Variants in KIF2C observed in about 807,000 individuals in gnomAD.
KIF2C encodes kinesin-like protein KIF2C.
A neutral mutation model predicts 97.4 loss-of-function variants in KIF2C; 34 were observed. The observed-to-expected ratio is 0.35, with a 90% CI of 0.27 to 0.46. KIF2C has a LOEUF of 0.46. KIF2C is among the 20% of genes least tolerant of loss of function. The pLI, the probability that KIF2C is intolerant of heterozygous loss-of-function variation, is 1.00. For missense variants in KIF2C, 750 were observed against 907.6 expected (o/e 0.83, Z 2.23); for synonymous variants, 313 against 318.2 (o/e 0.98, Z 0.17).
In KIF2C at chr1:44,747,479, A is replaced by G. The variant is rs1359546571; in HGVS notation, c.261A>G (p.Thr87=). The G allele has an allele frequency of 6.2e-7, 1 of 1,607,008 alleles. No individual in the cohort carries two copies. The highest frequency in any genetic ancestry group is 8.5e-7 in the Non-Finnish European group (1 of 1,178,094). Residue 87 remains threonine, a synonymous_variant, in exon 3 of 21, where the codon ACA becomes ACG. Coordinates refer to ENST00000372224, the MANE Select transcript of KIF2C (RefSeq NM_006845.4). ...KDNLPLQENV[T]IQKQKRRSVN... The stretch of plus-strand genomic sequence containing the variant: ...ATCTGCCCTTGCAGGAAAATGTAAC[A>G]ATCCAGGTAGGTGCCTGTCATCTGG...
chr1:44,749,260 C>T (rs6695350), intron 4 of KIF2C, among the ~76,000 whole-genome samples: 39,496 of 151,862 alleles, frequency 0.26, 6,465 homozygotes, highest in African/African-American at 0.46. Flanking sequence ...TGGTGAAACC[C>T]CTGTCTCTAC....
chr1:44,747,360 G>A, intron 2 of KIF2C, 24 bp from the exon 3 acceptor site: 1 of 1,451,442 alleles, frequency 6.9e-7, no homozygotes, highest in South Asian at 1.2e-5. Context: ...TTGTTTCATT[G>A]AAACTTTTAC....
chr1:44,766,539 G>A (rs1389872490), intron 19 of KIF2C, among the ~76,000 whole-genome samples: 3 of 151,968 alleles, frequency 2.0e-5, no homozygotes, highest in Non-Finnish European at 2.9e-5. Context: ...TAAACTCGGG[G>A]GGTGGAGGCT....
intron 5 of KIF2C, 73 bp from the exon 6 acceptor site, chr1:44,753,059 C>T: frequency 7.2e-6 from 11 of 1,537,406 alleles, no homozygotes; most frequent in Non-Finnish European, 8.8e-6. Context: ...GGCCCATAAC[C>T]AGGGCCATGG....
At chr1:44,748,707 A>ATTTTT (rs928683142) in intron 4 of KIF2C, among the ~76,000 whole-genome samples, 4 of 123,138 alleles carry the variant, frequency 3.2e-5, no homozygotes, top group African/African-American at 6.5e-5. Context: ...CACCTGGCTA[A>ATTTTT]TTTTTTTTTT....
At chr1:44,757,046 T>C (rs1292991737) in intron 10 of KIF2C, among the ~76,000 whole-genome samples, 1 of 152,080 alleles carries the variant, frequency 6.6e-6, no homozygotes, top group Non-Finnish European at 1.5e-5. Flanking sequence ...GCCTCTCAAG[T>C]AGCTGGGATT....
chr1:44,761,183 AT>A (rs1262125025), intron 16 of KIF2C: 1 of 169,302 alleles, frequency 5.9e-6, no homozygotes, highest in African/African-American at 2.4e-5. Context: ...TCAAGAGAAT[AT>A]TCTCCCCTAC....
chr1:44,757,031 C>T (rs1649878880), intron 10 of KIF2C, among the ~76,000 whole-genome samples: 1 of 152,118 alleles, frequency 6.6e-6, no homozygotes, highest in African/African-American at 2.4e-5. Context: ...AATTCTCCTG[C>T]CCCAGCCTCT....
chr1:44,754,843 C>G lies in KIF2C; in HGVS notation c.757C>G (p.Pro253Ala). 1 of 1,566,350 alleles carries G rather than the reference C, an allele frequency of 6.4e-7. No homozygotes were observed. The highest frequency in any genetic ancestry group is 8.8e-7 in the Non-Finnish European group (1 of 1,136,832). ...LECHPLTMTD[P>A]IEEHRICVCV... is the part of the protein sequence containing the mutation. Reference sequence around the variant, plus strand: ...ATGTCATCCACTTACTATGACTGATCCTGTAAGTACATCCAAAGAACTTCT... The same window carrying G: ...ATGTCATCCACTTACTATGACTGATGCTGTAAGTACATCCAAAGAACTTCT... The change falls in exon 8 of 21, where the codon CCT (proline) becomes GCT (alanine). Residue 253 changes from proline (P) to alanine (A), a missense_variant and splice_region_variant. By Grantham distance (27) the Pro-to-Ala change is conservative. Coordinates refer to ENST00000372224, the MANE Select transcript of KIF2C (RefSeq NM_006845.4).
At chr1:44,763,901 C>CG (rs544532636) in intron 19 of KIF2C, among the ~76,000 whole-genome samples, 1 of 151,952 alleles carries the variant, frequency 6.6e-6, no homozygotes, top group Non-Finnish European at 1.5e-5. Flanking sequence ...AGTATGGTGG[C>CG]GGGCGCCTGT....
intron 1 of KIF2C, 34 bp downstream of exon 1, chr1:44,740,036 G>C (rs771608703): frequency 6.2e-7 from 1 of 1,613,360 alleles, no homozygotes; most frequent in Non-Finnish European, 8.5e-7. Flanking sequence ...AAGGGGACTC[G>C]TGAGCGGTGA....
At chr1:44,746,100 A>G (rs1358471499) in intron 2 of KIF2C, among the ~76,000 whole-genome samples, 2 of 150,498 alleles carry the variant, frequency 1.3e-5, no homozygotes, top group East Asian at 3.9e-4. Context: ...CTGGCCTTGA[A>G]CTCCTGAGGT....
rs767559361 is a variant in KIF2C at position 44,767,083 on chromosome 1, A to G, written c.2096-14A>G. On this transcript the variant is annotated splice_polypyrimidine_tract_variant and intron_variant, in intron 20 of 20. Coordinates refer to ENST00000372224, the MANE Select transcript of KIF2C (RefSeq NM_006845.4). ...TCTCACTAACCCCATATGTACCGCT[A>G]CCCTTTCTTCCAGATGTCATCAAGG... 2.4e-5 allele frequency: 38 copies of G among 1,613,568 alleles called. No homozygotes were observed. In the African/African-American group the frequency reaches 4.5e-4, roughly 19 times the overall value.
At chr1:44,762,194 AG>A in intron 17 of KIF2C, 151 bp from the exon 18 acceptor site, 1 of 878,700 alleles carries the variant, frequency 1.1e-6, no homozygotes. Context: ...GGGCTTTTCC[AG>A]TCCAGCTTTA....
chr1:44,750,432 G>A lies in KIF2C; in HGVS notation c.317-10G>A, dbSNP rs1178459079. On this transcript the variant is annotated splice_polypyrimidine_tract_variant and intron_variant, in intron 4 of 20. Coordinates refer to ENST00000372224, the MANE Select transcript of KIF2C (RefSeq NM_006845.4). ...GCAGCACTGACTGGCTACTGCTCTC[G>A]GTTCTCCAGGTCTTCGAAGCCGCTC... is the stretch of plus-strand genomic sequence containing the variant. The A allele has an allele frequency of 4.8e-6, 7 of 1,444,028 alleles. No homozygotes were observed. The highest frequency in any genetic ancestry group is 1.6e-5 in the South Asian group (1 of 63,692). The allele number at this position is 1,444,028 out of a possible 1,614,324, so 89.5% of individuals were successfully genotyped here. A position where few individuals can be genotyped will look rare whatever the true frequency, so the allele number is the denominator to read the frequency against.
Position 44,741,650 on chromosome 1 carries a change from A to G in KIF2C, c.165+643A>G, listed in dbSNP as rs1049747086. On this transcript the variant is annotated intron_variant, in intron 2 of 20. Coordinates refer to ENST00000372224, the MANE Select transcript of KIF2C (RefSeq NM_006845.4). Reference sequence around the variant, plus strand: ...CACTGAACCATGATCGAGCCACTGCACTCTGGCCTGGGCGACAGAGTGAGA... The same window carrying G: ...CACTGAACCATGATCGAGCCACTGCGCTCTGGCCTGGGCGACAGAGTGAGA... 2.6e-5 allele frequency among the ~76,000 whole-genome samples: 4 copies of G among 152,054 alleles called. No individual in the cohort carries two copies. The East Asian group carries it at 7.7e-4, about 29-fold the overall frequency.
chr1:44,763,345 G>C (rs896296059), intron 19 of KIF2C, among the ~76,000 whole-genome samples: 1 of 152,132 alleles, frequency 6.6e-6, no homozygotes, highest in African/African-American at 2.4e-5. Context: ...AAGAACTTGG[G>C]GCAGGTGTAA....
Position 44,741,860 on chromosome 1 carries a change from G to A in KIF2C, c.165+853G>A, listed in dbSNP as rs191767844. Among the ~76,000 whole-genome samples, 544 of 151,976 alleles carry A rather than the reference G, an allele frequency of 3.6e-3. 3 individuals carry two copies. Among genetic ancestry groups the A allele is most frequent in the African/African-American group, 0.012 (516 of 41,428 alleles). On this transcript the variant is annotated intron_variant, in intron 2 of 20. Coordinates refer to ENST00000372224, the MANE Select transcript of KIF2C (RefSeq NM_006845.4). The stretch of plus-strand genomic sequence containing the variant: ...CAAAAAACATTAGCCGGGCATGGTG[G>A]TGCATGCCTGTGGTCCCAGCTGCTC...
chr1:44,747,945 A>T (rs1165469218), intron 4 of KIF2C, among the ~76,000 whole-genome samples: 1 of 152,266 alleles, frequency 6.6e-6, no homozygotes, highest in Non-Finnish European at 1.5e-5. Flanking sequence ...TAGAATCCAG[A>T]GCCTGATGCT....
Sources: gnomAD v4.1 joint callset for allele counts (sites outside exome capture counted in the v4.1 genomes callset) on GRCh38, gnomAD v4.1.1 for gene constraint, MANE v1.5 for transcripts, NCBI Gene and HGNC (gene_info 2026-07-23, HGNC 2026-07-21) for gene names.